The following ACSM2A variants were observed in gnomAD, a reference collection of about 807,000 sequenced individuals.
ACSM2A encodes acyl-CoA synthetase medium chain family member 2A.
A neutral mutation model predicts 76.6 loss-of-function variants in ACSM2A; 72 were observed. The observed-to-expected ratio is 0.94, with a 90% CI of 0.78 to 1.14. ACSM2A has a LOEUF of 1.14. Ranked by LOEUF, ACSM2A falls within the 50% of genes most tolerant of loss-of-function variation. The pLI, the probability that ACSM2A is intolerant of heterozygous loss-of-function variation, is 0.00. For synonymous variants in ACSM2A, 249 were observed against 255.9 expected (o/e 0.97, Z 0.26); for missense variants, 684 against 708.5 (o/e 0.97, Z 0.39).
intron 2 of ACSM2A, among the ~76,000 whole-genome samples, chr16:20,463,462 C>A (rs549271336): frequency 6.6e-6 from 1 of 151,678 alleles, no homozygotes; most frequent in East Asian, 1.9e-4. Context: ...TAGCACCATC[C>A]CCTTCGTTAT....
chr16:20,459,843 A>T (rs921211514), intron 1 of ACSM2A, among the ~76,000 whole-genome samples: 5 of 152,170 alleles, frequency 3.3e-5, no homozygotes, highest in Admixed American at 2.0e-4. Context: ...GGGATTTATT[A>T]CATGGAAATG....
intron 6 of ACSM2A, among the ~76,000 whole-genome samples, chr16:20,473,780 C>G (rs1163254330): frequency 6.6e-6 from 1 of 152,004 alleles, no homozygotes; most frequent in Non-Finnish European, 1.5e-5. Flanking sequence ...GGACATGCCT[C>G]ATTATACCTC....
At chr16:20,460,537 T>C (rs2012557675) in intron 2 of ACSM2A, among the ~76,000 whole-genome samples, 1 of 152,074 alleles carries the variant, frequency 6.6e-6, no homozygotes, top group Admixed American at 6.5e-5. Context: ...ACAGTTTGTT[T>C]ACACTATATG....
chr16:20,470,079 T>C (rs1287193792), intron 4 of ACSM2A, among the ~76,000 whole-genome samples: 1 of 152,060 alleles, frequency 6.6e-6, no homozygotes, highest in Non-Finnish European at 1.5e-5. Flanking sequence ...TGCGCACTCA[T>C]GCGTGAAGAG....
At position 20,483,049 on chromosome 16, in the gene ACSM2A, T is replaced by A. The variant is rs746460011; in HGVS notation, c.1510-9T>A. 2.8e-5 allele frequency: 45 copies of A among 1,613,246 alleles called. No individual in the cohort carries two copies. In the African/African-American group the frequency reaches 4.4e-4, roughly 16 times the overall value. ...AATCCCTTCTCTCTGGCCTTCATCT[T>A]TTTTGCAGGTGGTGAAGGCATTTGT... On this transcript the variant is annotated splice_polypyrimidine_tract_variant and intron_variant, in intron 12 of 13. Coordinates refer to ENST00000573854, the MANE Select transcript of ACSM2A (RefSeq NM_001308172.2).
chr16:20,463,712 T>G (rs2012777341), intron 2 of ACSM2A, among the ~76,000 whole-genome samples: 1 of 152,212 alleles, frequency 6.6e-6, no homozygotes, highest in Non-Finnish European at 1.5e-5. Context: ...AGATATTCCT[T>G]TATAGCAATG....
intron 1 of ACSM2A, among the ~76,000 whole-genome samples, chr16:20,458,073 CA>C (rs962686752): frequency 1.9e-4 from 27 of 145,258 alleles, no homozygotes; most frequent in African/African-American, 3.0e-4. Context: ...ATAATAGCTG[CA>C]AAAAAAAAAT....
rs184343147 is a variant in ACSM2A, at chr16:20,475,695, C to A, written c.1020C>A (p.Ser340=). 6.2e-7 allele frequency: 1 copy of A among 1,613,990 alleles called. No homozygotes were observed. The highest frequency in any genetic ancestry group is 8.5e-7 in the Non-Finnish European group (1 of 1,179,936). The part of the protein sequence containing the change: ...HLQNCVTVGE[S]LLPETLENWR... ...AGAACTGCGTCACTGTAGGGGAGTCCCTTCTTCCAGAAACTCTGGAGAACT... is the reference window on the plus strand; with the variant it reads ...AGAACTGCGTCACTGTAGGGGAGTCACTTCTTCCAGAAACTCTGGAGAACT... The change falls in exon 8 of 14, where the codon TCC becomes TCA. Residue 340 remains serine, a synonymous_variant. Coordinates refer to ENST00000573854, the MANE Select transcript of ACSM2A (RefSeq NM_001308172.2).
In ACSM2A at chr16:20,471,549, C is replaced by A. The variant is rs775818311; in HGVS notation, c.754C>A (p.Gln252Lys). 6.2e-7 allele frequency: 1 copy of A among 1,612,926 alleles called. No individual in the cohort carries two copies. Among genetic ancestry groups the A allele is most frequent in the African/African-American group, 1.3e-5 (1 of 74,984 alleles). The change falls in exon 6 of 14, where the codon CAA becomes AAA. Residue 252 changes from glutamine (Q) to lysine (K), a missense_variant. By Grantham distance (53) the Gln-to-Lys change is moderately conservative. Around this residue, in one of 3 missense-constraint regions of ACSM2A, gnomAD observed 519 missense variants for 549.5 expected, o/e 0.94. Transcript: ENST00000573854. ...CTGTGTTTTCAGTTGGACAGGCCTG[C>A]AAGCCTCTGATATAATGTGGACCAT... ...AKMDAGWTGL[Q>K]ASDIMWTISD...
intron 4 of ACSM2A, among the ~76,000 whole-genome samples, chr16:20,470,136 C>T (rs1303251563): frequency 2.6e-5 from 4 of 151,992 alleles, no homozygotes; most frequent in Admixed American, 6.6e-5. Flanking sequence ...CTATGGGGCA[C>T]AAAGTGAATC....
At chr16:20,463,350 T>C (rs2012755924) in intron 2 of ACSM2A, among the ~76,000 whole-genome samples, 1 of 151,114 alleles carries the variant, frequency 6.6e-6, no homozygotes, top group South Asian at 2.1e-4. Context: ...GTTTGGATAT[T>C]TGTTTTCTCT....
chr16:20,478,815 T>C (rs951628669), intron 10 of ACSM2A, 138 bp downstream of exon 10: 3 of 1,237,462 alleles, frequency 2.4e-6, no homozygotes, highest in Admixed American at 5.9e-5. Flanking sequence ...CAAGAATGTA[T>C]GCTTTGCCAG....
chr16:20,466,624 T>C (rs1484718391), intron 3 of ACSM2A, among the ~76,000 whole-genome samples: 3 of 152,202 alleles, frequency 2.0e-5, no homozygotes, highest in Admixed American at 1.3e-4. Flanking sequence ...TGCTGATTGG[T>C]TTGGCTGGGG....
At chr16:20,464,668 G>A (rs902481397) in intron 2 of ACSM2A, among the ~76,000 whole-genome samples, 2 of 152,088 alleles carry the variant, frequency 1.3e-5, no homozygotes, top group Non-Finnish European at 2.9e-5. Context: ...TGACATTGGG[G>A]ATTGCATTTC....
rs2013414001 is a variant in ACSM2A at position 20,471,630 on chromosome 16, T to C, written c.835T>C (p.Leu279=). 6.2e-7 allele frequency: 1 copy of C among 1,613,946 alleles called. No homozygotes were observed. The highest frequency in any genetic ancestry group is 8.5e-7 in the Non-Finnish European group (1 of 1,179,936). ...GTGCTCACTTATGGAACCTTGGGCA[T>C]TAGGAGCATGCACATTTGTTCATCT... ...ILCSLMEPWA[L]GACTFVHLLP... is the part of the protein sequence containing the mutation. Residue 279 remains leucine (L), a synonymous_variant, in exon 6 of 14, where the codon TTA becomes CTA. Coordinates refer to ENST00000573854, the MANE Select transcript of ACSM2A (RefSeq NM_001308172.2).
At chr16:20,483,828 G>A (rs1200720078) in intron 13 of ACSM2A, among the ~76,000 whole-genome samples, 7 of 152,072 alleles carry the variant, frequency 4.6e-5, no homozygotes, top group Non-Finnish European at 1.0e-4. Context: ...GACATTTATT[G>A]CTCATGCAAT....
chr16:20,465,529 C>T lies in ACSM2A; in HGVS notation c.190C>T (p.Leu64Phe), dbSNP rs557161839. Residue 64 changes from leucine (L) to phenylalanine (F), a missense_variant, in exon 3 of 14, where the codon CTC (leucine) becomes TTC (phenylalanine). By Grantham distance (22) the Leu-to-Phe change is conservative. Around this residue, in one of 3 missense-constraint regions of ACSM2A, gnomAD observed 519 missense variants for 549.5 expected, o/e 0.94. Transcript: ENST00000573854. ...TCTCTTTCCTCAGGCTGGCAAGCGA[C>T]TCCCAAGCCCAGCCCTGTGGTGGGT... ...WADMEKAGKR[L>F]PSPALWWVNG... The T allele has an allele frequency of 1.4e-5, 22 of 1,613,936 alleles. No homozygotes were observed. Among genetic ancestry groups the T allele is most frequent in the Middle Eastern group, 1.7e-4 (1 of 6,054 alleles).
chr16:20,475,618 G>C (rs762191996), intron 7 of ACSM2A, 32 bp from the exon 8 acceptor site: 5 of 1,613,396 alleles, frequency 3.1e-6, no homozygotes, highest in Non-Finnish European at 4.2e-6. Context: ...TTCCAGGGAG[G>C]CTGAGGGCAA....
chr16:20,471,417 A>G (rs781137018), intron 5 of ACSM2A, 119 bp from the exon 6 acceptor site: 108 of 1,497,084 alleles, frequency 7.2e-5, no homozygotes, highest in Non-Finnish European at 9.3e-5. Flanking sequence ...ATAAACCTGC[A>G]GGCAGATACA....
Sources: allele counts gnomAD v4.1 joint callset (sites outside exome capture counted in the v4.1 genomes callset), GRCh38; gene constraint gnomAD v4.1.1; regional missense constraint gnomAD v4.1.1; transcripts MANE v1.5; gene names NCBI Gene and HGNC (gene_info 2026-07-23, HGNC 2026-07-21).